Variants in JAK1 observed in about 807,000 individuals in gnomAD.
JAK1 encodes tyrosine-protein kinase JAK1.
Under a neutral mutation model 136.6 loss-of-function variants are expected in JAK1, and 16 were observed. The ratio of observed to expected loss-of-function variants is 0.12; its 90% CI spans 0.08 to 0.18. The LOEUF (loss-of-function observed/expected upper bound fraction) is 0.18, where lower values mean the gene tolerates loss of function less well. Ranked by LOEUF, JAK1 falls within the 10% of genes least tolerant of loss-of-function variation. JAK1 has a pLI of 1.00. For missense variants in JAK1, 859 were observed against 1,450.1 expected (o/e 0.59, Z 6.62); for synonymous variants, 492 against 519.5 (o/e 0.95, Z 0.72).
At chr1:64,870,712 T>C (rs1193807822) in intron 5 of JAK1, among the ~76,000 whole-genome samples, 1 of 152,098 alleles carries the variant, frequency 6.6e-6, no homozygotes, top group Non-Finnish European at 1.5e-5. Context: ...TGTGAGATGC[T>C]CTCTTTCCCT....
chr1:64,891,977 C>G (rs191502855), intron 1 of JAK1, among the ~76,000 whole-genome samples: 2 of 152,232 alleles, frequency 1.3e-5, no homozygotes, highest in Admixed American at 6.5e-5. Flanking sequence ...TCCCAAGGAG[C>G]CTGCATTCAG....
At chr1:64,858,693 G>A (rs1656100546) in intron 9 of JAK1, among the ~76,000 whole-genome samples, 2 of 152,152 alleles carry the variant, frequency 1.3e-5, no homozygotes, top group African/African-American at 4.8e-5. Flanking sequence ...CCCAGCCTTT[G>A]GGAAGCTCAT....
intron 2 of JAK1, among the ~76,000 whole-genome samples, chr1:65,014,640 ACACTC>A (rs1269537432): frequency 2.0e-5 from 3 of 151,656 alleles, no homozygotes; most frequent in Non-Finnish European, 4.4e-5. Context: ...ATACAATAAC[ACACTC>A]CATGGGTTGA....
At chr1:65,021,846 A>C (rs1646940367) in intron 2 of JAK1, among the ~76,000 whole-genome samples, 1 of 152,166 alleles carries the variant, frequency 6.6e-6, no homozygotes, top group Non-Finnish European at 1.5e-5. Flanking sequence ...AGAATTTGCA[A>C]TATTTGCCTA....
chr1:64,838,588 T>C lies in JAK1; in HGVS notation c.2844A>G (p.Gly948=). The part of the protein sequence containing the change: ...VKYKGICTED[G]GNGIKLIMEF... ...CCATGATGAGCTTAATACCATTTCCTCCTGTTTAGAAAAAACATCCATCAG... is the reference window on the plus strand; with the variant it reads ...CCATGATGAGCTTAATACCATTTCCCCCTGTTTAGAAAAAACATCCATCAG... The change falls in exon 21 of 25, where the codon GGA becomes GGG. Residue 948 remains glycine, a splice_region_variant and synonymous_variant. Transcript: ENST00000342505. 6.2e-7 allele frequency: 1 copy of C among 1,613,388 alleles called. No individual in the cohort carries two copies. Among genetic ancestry groups the C allele is most frequent in the Non-Finnish European group, 8.5e-7 (1 of 1,179,942 alleles).
At chr1:64,846,953 A>G in intron 13 of JAK1, 1 of 567,784 alleles carries the variant, frequency 1.8e-6, no homozygotes. Flanking sequence ...TATTTAGAAA[A>G]CCTAACAGGA....
intron 1 of JAK1, among the ~76,000 whole-genome samples, chr1:64,935,886 C>T (rs947891360): frequency 6.6e-6 from 1 of 152,136 alleles, no homozygotes; most frequent in African/African-American, 2.4e-5. Context: ...TCCAGGAATG[C>T]TGGAGGGCGA....
chr1:64,845,711 C>G (rs1049355286), intron 14 of JAK1, 71 bp from the exon 15 acceptor site: 31 of 1,566,032 alleles, frequency 2.0e-5, no homozygotes, highest in Admixed American at 1.2e-4. Flanking sequence ...CCCCTTACGA[C>G]AGTCCACTTC....
At chr1:64,918,892 T>C (rs1244871078) in intron 1 of JAK1, among the ~76,000 whole-genome samples, 2 of 152,242 alleles carry the variant, frequency 1.3e-5, no homozygotes, top group African/African-American at 4.8e-5. Context: ...TACGCTTCTT[T>C]AAAGACCATC....
At chr1:64,906,145 T>C (rs1466249530) in intron 1 of JAK1, among the ~76,000 whole-genome samples, 2 of 151,988 alleles carry the variant, frequency 1.3e-5, no homozygotes, top group Admixed American at 1.3e-4. Context: ...AAATACAAAA[T>C]TAGCTGGGCG....
chr1:64,862,582 G>GTGA, intron 8 of JAK1, among the ~76,000 whole-genome samples: 1 of 152,344 alleles, frequency 6.6e-6, no homozygotes, highest in South Asian at 2.1e-4. Context: ...TGTGGCCAGG[G>GTGA]TGAGCTCTGA....
intron 1 of JAK1, among the ~76,000 whole-genome samples, chr1:64,952,072 C>T (rs886709951): frequency 6.6e-6 from 1 of 152,162 alleles, no homozygotes; most frequent in African/African-American, 2.4e-5. Context: ...ACACAAAAGG[C>T]CAATTTAACA....
At chr1:64,983,636 T>C (rs1178979360) in intron 2 of JAK1, among the ~76,000 whole-genome samples, 1 of 152,170 alleles carries the variant, frequency 6.6e-6, no homozygotes, top group Non-Finnish European at 1.5e-5. Flanking sequence ...TAAAAAGTAA[T>C]GAGTCTACTA....
chr1:65,019,446 C>T (rs1646918229), intron 2 of JAK1, among the ~76,000 whole-genome samples: 1 of 141,894 alleles, frequency 7.0e-6, no homozygotes, highest in African/African-American at 2.8e-5. Context: ...AGGAGAGAAC[C>T]CATATGACCC....
chr1:64,877,353 GC>G (rs1221392374), intron 4 of JAK1, among the ~76,000 whole-genome samples: 1 of 151,888 alleles, frequency 6.6e-6, no homozygotes, highest in African/African-American at 2.4e-5. Flanking sequence ...AGTTCAAAGG[GC>G]CTGTGGTAAC....
At chr1:64,953,856 G>A (rs1472518939) in intron 1 of JAK1, among the ~76,000 whole-genome samples, 1 of 152,038 alleles carries the variant, frequency 6.6e-6, no homozygotes, top group East Asian at 1.9e-4. Context: ...CGTATTTTTA[G>A]AAGAGATGGG....
intron 1 of JAK1, chr1:64,942,485 G>A (rs1005291407): frequency 7.2e-5 from 11 of 151,974 alleles, no homozygotes; most frequent in African/African-American, 2.7e-4. Flanking sequence ...TCTTTCCTTT[G>A]CAAGATTATT....
Position 64,886,300 on chromosome 1 carries a change from T to C in JAK1, c.-36A>G. 1 of 1,592,460 alleles carries C rather than the reference T, an allele frequency of 6.3e-7. No individual in the cohort carries two copies. The highest frequency in any genetic ancestry group is 8.5e-7 in the Non-Finnish European group (1 of 1,172,780). Reference sequence around the variant, plus strand: ...GTCCAGTGTTCTCCAAGAAGCAAACTGGATTTTCTTCTCTACTTTCCAAAG... The same window carrying C: ...GTCCAGTGTTCTCCAAGAAGCAAACCGGATTTTCTTCTCTACTTTCCAAAG... On this transcript the variant is annotated 5_prime_UTR_variant, in exon 2 of 25. Coordinates refer to ENST00000342505, the MANE Select transcript of JAK1 (RefSeq NM_002227.4).
At chr1:64,999,972 G>T (rs1646738627) in intron 2 of JAK1, among the ~76,000 whole-genome samples, 1 of 150,946 alleles carries the variant, frequency 6.6e-6, no homozygotes, top group South Asian at 2.1e-4. Context: ...AAATACTGGG[G>T]GTTGGGGGAG....
Sources: gnomAD v4.1 joint callset for allele counts (sites outside exome capture counted in the v4.1 genomes callset) on GRCh38, gnomAD v4.1.1 for gene constraint, MANE v1.5 for transcripts, NCBI Gene and HGNC (gene_info 2026-07-23, HGNC 2026-07-21) for gene names.